DNAH14: variants seen among roughly 807,000 people sequenced by gnomAD.
DNAH14 encodes the protein axonemal beta dynein heavy chain 14.
Under a neutral mutation model 520.9 loss-of-function variants are expected in DNAH14, and 478 were observed. The observed-to-expected ratio is 0.92, with a 90% CI of 0.85 to 0.99. The LOEUF is 0.99. Among genes scored for constraint, DNAH14 ranks in the 50% least tolerant of loss-of-function variants. The pLI, the probability that DNAH14 is intolerant of heterozygous loss-of-function variation, is 0.00. For synonymous variants in DNAH14, 1,581 were observed against 1,757.2 expected (o/e 0.90, Z 2.51); for missense variants, 4,831 against 5,234.5 (o/e 0.92, Z 2.38).
chr1:224,956,615 T>TC (rs977164415), intron 3 of DNAH14, among the ~76,000 whole-genome samples: 26 of 152,298 alleles, frequency 1.7e-4, no homozygotes, highest in African/African-American at 6.0e-4. Context: ...TTTCAGAATG[T>TC]ATCCCTGTCA....
intron 11 of DNAH14, among the ~76,000 whole-genome samples, chr1:225,027,093 T>G (rs1371722472): frequency 6.6e-6 from 1 of 152,194 alleles, no homozygotes; most frequent in African/African-American, 2.4e-5. Context: ...GATTTTTGTT[T>G]ATTGATCTTA....
intron 57 of DNAH14, among the ~76,000 whole-genome samples, chr1:225,304,422 G>A (rs1160937408): frequency 1.3e-5 from 2 of 151,978 alleles, no homozygotes; most frequent in Admixed American, 6.6e-5. Flanking sequence ...GCCAGGTGTG[G>A]TGGCACACAT....
intron 79 of DNAH14, among the ~76,000 whole-genome samples, chr1:225,379,319 A>G (rs2150736690): frequency 6.6e-6 from 1 of 152,080 alleles, no homozygotes; most frequent in South Asian, 2.2e-4. Flanking sequence ...TTTCCTTGCA[A>G]ATGTCTAAAG....
At chr1:225,069,146 A>G (rs549311303) in intron 17 of DNAH14, among the ~76,000 whole-genome samples, 54 of 152,322 alleles carry the variant, frequency 3.5e-4, no homozygotes, top group Non-Finnish European at 4.6e-4. Flanking sequence ...ATATCGGATC[A>G]TGCCATCTGC....
chr1:225,383,819 A>C (rs1228093752), intron 81 of DNAH14, among the ~76,000 whole-genome samples: 1 of 152,176 alleles, frequency 6.6e-6, no homozygotes, highest in Non-Finnish European at 1.5e-5. Flanking sequence ...TAGTTCTTTT[A>C]ATTGTAATAT....
intron 85 of DNAH14, 50 bp from the exon 86 acceptor site, chr1:225,399,004 A>G: frequency 7.6e-7 from 1 of 1,320,230 alleles, no homozygotes. Context: ...TGAGCTACTG[A>G]TTCACTTGAA....
At chr1:225,365,401 C>T (rs2150583244) in intron 76 of DNAH14, among the ~76,000 whole-genome samples, 1 of 152,270 alleles carries the variant, frequency 6.6e-6, no homozygotes, top group African/African-American at 2.4e-5. Context: ...GTCCTAACAG[C>T]AGAGAAAACT....
At chr1:225,133,019 C>CT (rs756828528) in intron 27 of DNAH14, among the ~76,000 whole-genome samples, 17 of 151,764 alleles carry the variant, frequency 1.1e-4, no homozygotes, top group Non-Finnish European at 1.9e-4. Context: ...GCATGTATGT[C>CT]TTTTTTTTGA....
At chr1:224,980,806 C>T (rs900032103) in intron 8 of DNAH14, among the ~76,000 whole-genome samples, 1 of 152,140 alleles carries the variant, frequency 6.6e-6, no homozygotes, top group Admixed American at 6.5e-5. Flanking sequence ...GTGGTGGTGG[C>T]CACAGTGGGG....
At chr1:225,354,135 C>G (rs1007730981) in intron 73 of DNAH14, 3 of 704,026 alleles carry the variant, frequency 4.3e-6, no homozygotes, top group Non-Finnish European at 7.8e-6. Context: ...AAGGAGGACT[C>G]ATAGCCCTGT....
At chr1:225,370,260 T>C (rs952215487) in intron 77 of DNAH14, among the ~76,000 whole-genome samples, 6 of 151,836 alleles carry the variant, frequency 4.0e-5, no homozygotes, top group Non-Finnish European at 7.4e-5. Context: ...CCAGCCTGGG[T>C]GACAGAATGA....
chr1:225,202,998 G>T (rs1409778196), intron 38 of DNAH14, among the ~76,000 whole-genome samples: 3 of 152,164 alleles, frequency 2.0e-5, no homozygotes, highest in African/African-American at 7.2e-5. Context: ...GTGTGTTTGG[G>T]GGTGGATGAT....
Position 225,388,460 on chromosome 1 carries a change from G to A in DNAH14, c.13159G>A (p.Ala4387Thr), listed in dbSNP as rs1418024586. The A allele has an allele frequency of 2.0e-6, 3 of 1,533,314 alleles. No homozygotes were observed. The highest frequency in any genetic ancestry group is 2.7e-5 in the African/African-American group (2 of 72,782). 95.0% of individuals were successfully genotyped at this position (1,533,314 alleles called of 1,614,324 possible). Residue 4387 changes from alanine (A) to threonine (T), a missense_variant, in exon 82 of 86, where the codon GCC (alanine) becomes ACC (threonine). Transcript: ENST00000682510. Reference sequence around the variant, plus strand: ...GCGACTGAATTTCTTCAATACTTGGGCCAAAGTGGCTTATACTGCAATACA... The same window carrying A: ...GCGACTGAATTTCTTCAATACTTGGACCAAAGTGGCTTATACTGCAATACA... The part of the protein sequence containing the change: ...IQRLNFFNTW[A>T]KVAYTAIQRR...
At chr1:225,320,975 G>A (rs1332088556) in intron 61 of DNAH14, among the ~76,000 whole-genome samples, 2 of 152,064 alleles carry the variant, frequency 1.3e-5, no homozygotes, top group Admixed American at 6.5e-5. Context: ...TTTAAATAGA[G>A]TTAAACCTGG....
intron 84 of DNAH14, 123 bp from the exon 85 acceptor site, chr1:225,398,397 T>G: frequency 8.2e-7 from 1 of 1,223,120 alleles, no homozygotes; most frequent in Non-Finnish European, 1.1e-6. Flanking sequence ...ACCTTAGAAC[T>G]TGGGGCAACA....
At chr1:225,092,578 AAG>A (rs2074494113) in intron 21 of DNAH14, among the ~76,000 whole-genome samples, 2 of 152,064 alleles carry the variant, frequency 1.3e-5, no homozygotes, top group South Asian at 4.1e-4. Context: ...ATGAAAAAGA[AAG>A]AGCTCAAATT....
At chr1:225,116,048 A>G (rs1196794993) in intron 23 of DNAH14, among the ~76,000 whole-genome samples, 1 of 152,246 alleles carries the variant, frequency 6.6e-6, no homozygotes, top group African/African-American at 2.4e-5. Context: ...GTTAGATTAG[A>G]GAAGGATGGG....
rs746556201 is a variant in DNAH14 at position 225,399,116 on chromosome 1, C to A, written c.13701C>A (p.Cys4567Ter). ...QTDSELYAFE[C>*]PVYQTPERSR... ...ATTCAGAACTCTATGCTTTTGAATG[C>A]CCAGTTTACCAGACACCTGAGAGGT... is the stretch of plus-strand genomic sequence containing the variant. Residue 4567 changes from cysteine (C) to a stop codon, truncating the protein, a stop_gained, in exon 86 of 86, where the codon TGC (cysteine) becomes TGA (stop). Transcript: ENST00000682510. LOFTEE classifies it low-confidence loss of function (END_TRUNC). 1 of 1,551,754 alleles carries A rather than the reference C, an allele frequency of 6.4e-7. No individual in the cohort carries two copies. Among genetic ancestry groups the A allele is most frequent in the South Asian group, 1.2e-5 (1 of 84,046 alleles).
At chr1:225,322,279 G>A (rs185469007) in intron 61 of DNAH14, among the ~76,000 whole-genome samples, 230 of 151,658 alleles carry the variant, frequency 1.5e-3, no homozygotes, top group Admixed American at 3.1e-3. Flanking sequence ...TGTAGAGACC[G>A]GGTTTCGCCA....
Sources: allele counts gnomAD v4.1 joint callset (sites outside exome capture counted in the v4.1 genomes callset), GRCh38; gene constraint gnomAD v4.1.1; transcripts MANE v1.5; gene names NCBI Gene and HGNC (gene_info 2026-07-23, HGNC 2026-07-21).